SLIT2: variants seen among roughly 807,000 people sequenced by gnomAD.
SLIT2 encodes slit homolog 2 protein.
SLIT2 carries 41 observed loss-of-function variants against 185.7 expected under a neutral mutation model. The observed-to-expected ratio is 0.22, with a 90% CI of 0.17 to 0.29. The LOEUF (loss-of-function observed/expected upper bound fraction) is 0.29, where lower values mean the gene tolerates loss of function less well. SLIT2 is among the 10% of genes least tolerant of loss of function. The pLI is 1.00. For missense variants in SLIT2, 1,571 were observed against 1,909.0 expected (o/e 0.82, Z 3.30); for synonymous variants, 693 against 680.2 (o/e 1.02, Z -0.29).
intron 3 of SLIT2, among the ~76,000 whole-genome samples, chr4:20,262,861 A>G (rs1019356276): frequency 6.6e-6 from 1 of 151,888 alleles, no homozygotes; most frequent in African/African-American, 2.4e-5. Context: ...AGAATTTCTC[A>G]TGCAACAGTT....
chr4:20,519,888 G>C (rs1352396858), intron 12 of SLIT2, among the ~76,000 whole-genome samples: 1 of 151,806 alleles, frequency 6.6e-6, no homozygotes, highest in Admixed American at 6.6e-5. Context: ...AAAATTAGCC[G>C]GGCGTGGTGG....
chr4:20,373,271 CTT>C (rs1227055965), intron 4 of SLIT2, among the ~76,000 whole-genome samples: 1 of 152,038 alleles, frequency 6.6e-6, no homozygotes, highest in Non-Finnish European at 1.5e-5. Flanking sequence ...GTATTTTTGA[CTT>C]ATAGTAGATC....
rs1248017757 is a variant in SLIT2, at chr4:20,528,016, T to C, written c.1463-933T>C. 6.6e-6 allele frequency among the ~76,000 whole-genome samples: 1 copy of C among 152,170 alleles called. No individual in the cohort carries two copies. Among genetic ancestry groups the C allele is most frequent in the Non-Finnish European group, 1.5e-5 (1 of 68,032 alleles). ...GTTGTCCTTGTAGCTCACCTTCAAC[T>C]TCTTCCTGGATGTTGTTCCCGAAAG... is the stretch of plus-strand genomic sequence containing the variant. On this transcript the variant is annotated intron_variant, in intron 15 of 36. Coordinates refer to ENST00000504154, the MANE Select transcript of SLIT2 (RefSeq NM_004787.4). This position sits in a 1 kb window ranked among gnomAD's most constrained non-coding sequence, Gnocchi z 4.2.
At chr4:20,324,644 A>C (rs2046436481) in intron 4 of SLIT2, among the ~76,000 whole-genome samples, 1 of 152,180 alleles carries the variant, frequency 6.6e-6, no homozygotes, top group African/African-American at 2.4e-5. Flanking sequence ...CATTCTCATC[A>C]CAGAATAACT....
chr4:20,580,210 A>G lies in SLIT2; in HGVS notation c.3089-9434A>G, dbSNP rs994169344. Among the ~76,000 whole-genome samples, 16 of 151,062 alleles carry G rather than the reference A, an allele frequency of 1.1e-4. 1 individual carries two copies. The highest frequency in any genetic ancestry group is 6.3e-4 in the South Asian group (3 of 4,796). Reference sequence around the variant, plus strand: ...CAAGTAGCTGGGATTACAGATGCGCACCACCATACCCAGTTATTTTTTGTA... The same window carrying G: ...CAAGTAGCTGGGATTACAGATGCGCGCCACCATACCCAGTTATTTTTTGTA... On this transcript the variant is annotated intron_variant, in intron 29 of 36. Coordinates refer to ENST00000504154, the MANE Select transcript of SLIT2 (RefSeq NM_004787.4).
At chr4:20,454,629 A>G (rs1207123902) in intron 4 of SLIT2, among the ~76,000 whole-genome samples, 3 of 152,216 alleles carry the variant, frequency 2.0e-5, no homozygotes, top group African/African-American at 7.2e-5. Flanking sequence ...TAAAATTACC[A>G]GTAATTAAAT....
At chr4:20,277,460 G>A (rs1714279730) in intron 4 of SLIT2, among the ~76,000 whole-genome samples, 2 of 151,678 alleles carry the variant, frequency 1.3e-5, no homozygotes, top group Admixed American at 6.6e-5. Flanking sequence ...CACTACTTTT[G>A]TGTAAACAGT....
intron 4 of SLIT2, among the ~76,000 whole-genome samples, chr4:20,441,459 G>A (rs770995504): frequency 2.5e-4 from 38 of 151,072 alleles, no homozygotes; most frequent in Non-Finnish European, 4.1e-4. Context: ...ACTGCATTAA[G>A]CTGAGGAACG....
At chr4:20,263,760 T>A (rs1056158521) in intron 3 of SLIT2, among the ~76,000 whole-genome samples, 21 of 151,832 alleles carry the variant, frequency 1.4e-4, no homozygotes, top group Admixed American at 1.2e-3. Flanking sequence ...TGGCAATAAG[T>A]AAGATAATGT....
intron 4 of SLIT2, among the ~76,000 whole-genome samples, chr4:20,419,192 A>G (rs1727957253): frequency 6.6e-6 from 1 of 152,216 alleles, no homozygotes; most frequent in Non-Finnish European, 1.5e-5. Flanking sequence ...TACAGTATCT[A>G]GAAGACATGT....
chr4:20,535,224 G>A (rs574552495), intron 18 of SLIT2, among the ~76,000 whole-genome samples: 18 of 152,062 alleles, frequency 1.2e-4, no homozygotes, highest in Non-Finnish European at 1.9e-4. Context: ...GCTTGATCCC[G>A]GGAGGCGGAG....
intron 33 of SLIT2, among the ~76,000 whole-genome samples, chr4:20,601,872 A>G (rs1728435732): frequency 6.6e-6 from 1 of 152,222 alleles, no homozygotes; most frequent in South Asian, 2.1e-4. Flanking sequence ...TATAAAATTT[A>G]CTTTGGTAAA....
intron 4 of SLIT2, among the ~76,000 whole-genome samples, chr4:20,310,016 C>T (rs1717945752): frequency 6.6e-6 from 1 of 152,136 alleles, no homozygotes; most frequent in South Asian, 2.1e-4. Context: ...CCGCCTCGGC[C>T]TCCCCAAGTG....
At chr4:20,526,747 C>T (rs916630340) in intron 15 of SLIT2, among the ~76,000 whole-genome samples, 4 of 152,144 alleles carry the variant, frequency 2.6e-5, no homozygotes, top group African/African-American at 9.7e-5. Context: ...ATTTAATTTA[C>T]ATTCTTTAAA....
At chr4:20,255,126 C>CGGGGCTAGGCCGGCA (rs1469552664) in intron 1 of SLIT2, 1 of 445,000 alleles carries the variant, frequency 2.2e-6, no homozygotes, top group Non-Finnish European at 4.5e-6. Flanking sequence ...GCGAAGGGCG[C>CGGGGCTAGGCCGGCA]GGGGCTAGGC....
intron 4 of SLIT2, among the ~76,000 whole-genome samples, chr4:20,415,187 G>A (rs1223107127): frequency 2.0e-5 from 3 of 152,054 alleles, no homozygotes; most frequent in African/African-American, 4.8e-5. Context: ...CGAGGCGGGC[G>A]GATCACGAGG....
rs188892292 is a variant in SLIT2, at chr4:20,439,201, C to T, written c.396-28551C>T. 9.8e-4 allele frequency among the ~76,000 whole-genome samples: 149 copies of T among 152,322 alleles called. 1 individual carries two copies. Among genetic ancestry groups the T allele is most frequent in the African/African-American group, 3.4e-3 (141 of 41,564 alleles). ...GTTCCGAGGTATTAATTATATCTTA[C>T]ATGTAAGACACATAGAGGTGAAATG... On this transcript the variant is annotated intron_variant, in intron 4 of 36. Transcript: ENST00000504154.
intron 4 of SLIT2, among the ~76,000 whole-genome samples, chr4:20,328,874 A>T (rs147423407): frequency 5.3e-5 from 8 of 152,070 alleles, no homozygotes; most frequent in African/African-American, 1.9e-4. Context: ...AAATGTGTGT[A>T]TGTACATGTG....
chr4:20,386,386 G>A (rs997842872), intron 4 of SLIT2, among the ~76,000 whole-genome samples: 10 of 152,096 alleles, frequency 6.6e-5, no homozygotes, highest in African/African-American at 1.9e-4. Context: ...CTTTAATAAC[G>A]GGTTGTGTTT....
Sources: gnomAD v4.1 joint callset for allele counts (sites outside exome capture counted in the v4.1 genomes callset) on GRCh38, gnomAD v4.1.1 for gene constraint, Gnocchi (gnomAD v3.1) non-coding constraint, MANE v1.5 for transcripts, NCBI Gene and HGNC (gene_info 2026-07-23, HGNC 2026-07-21) for gene names.